The following GALNT3 variants were observed in gnomAD, a reference collection of about 807,000 sequenced individuals.
GALNT3 encodes the protein polypeptide N-acetylgalactosaminyltransferase 3.
In GALNT3, 51 loss-of-function variants were observed where a neutral mutation model predicts 69.8. That is an observed-to-expected ratio of 0.73 (90% CI 0.58 to 0.92). The LOEUF (loss-of-function observed/expected upper bound fraction) is 0.92, where lower values mean the gene tolerates loss of function less well. Ranked by LOEUF, GALNT3 falls within the 40% of genes least tolerant of loss-of-function variation. The pLI is 0.00. For missense variants in GALNT3, 711 were observed against 760.0 expected (o/e 0.94, Z 0.76); for synonymous variants, 265 against 248.5 (o/e 1.07, Z -0.63).
chr2:165,778,477 A>G (rs1388746335), intron 1 of GALNT3, among the ~76,000 whole-genome samples: 1 of 152,242 alleles, frequency 6.6e-6, no homozygotes, highest in Non-Finnish European at 1.5e-5. Context: ...GGATTGGAGT[A>G]ACAGGAAATT....
At chr2:165,769,984 C>G in intron 2 of GALNT3, 1 of 636,732 alleles carries the variant, frequency 1.6e-6, no homozygotes, top group South Asian at 1.8e-5. Flanking sequence ...CTTTTCATAT[C>G]TGCACTGCCT....
intron 1 of GALNT3, among the ~76,000 whole-genome samples, chr2:165,780,414 TAAC>T (rs1683077452): frequency 6.6e-6 from 1 of 152,186 alleles, no homozygotes; most frequent in African/African-American, 2.4e-5. Flanking sequence ...TAAAAACCAT[TAAC>T]AACTACCCAT....
chr2:165,786,612 T>G (rs1261627319), intron 1 of GALNT3, among the ~76,000 whole-genome samples: 2 of 152,228 alleles, frequency 1.3e-5, no homozygotes, highest in Non-Finnish European at 2.9e-5. Context: ...TATATTATTT[T>G]TTATTGTTGT....
intron 1 of GALNT3, among the ~76,000 whole-genome samples, chr2:165,788,731 A>C (rs1425891597): frequency 6.6e-6 from 1 of 152,042 alleles, no homozygotes; most frequent in Non-Finnish European, 1.5e-5. Flanking sequence ...AGTGCAAAAG[A>C]AAAGCACACA....
chr2:165,756,433 A>C (rs1688443860), intron 7 of GALNT3, among the ~76,000 whole-genome samples: 1 of 152,142 alleles, frequency 6.6e-6, no homozygotes, highest in African/African-American at 2.4e-5. Context: ...AGCACTTATC[A>C]CTTTCTTATT....
intron 4 of GALNT3, among the ~76,000 whole-genome samples, chr2:165,761,461 G>C (rs920522194): frequency 2.6e-5 from 4 of 151,930 alleles, no homozygotes; most frequent in Non-Finnish European, 4.4e-5. Context: ...ATTCACCAAC[G>C]CCGGCCTCCC....
chr2:165,774,931 T>G (rs915785346), intron 1 of GALNT3, among the ~76,000 whole-genome samples: 5 of 146,314 alleles, frequency 3.4e-5, no homozygotes, highest in Non-Finnish European at 7.5e-5. Flanking sequence ...TTTTTTTTTT[T>G]GTAGAGATGA....
intron 1 of GALNT3, among the ~76,000 whole-genome samples, chr2:165,790,399 T>G (rs1364688): frequency 1.3e-5 from 2 of 152,094 alleles, no homozygotes; most frequent in South Asian, 2.1e-4. Flanking sequence ...TTAGTGTACA[T>G]GAGTTGTGTT....
chr2:165,757,800 A>G (rs1346386963), intron 6 of GALNT3, among the ~76,000 whole-genome samples: 1 of 152,094 alleles, frequency 6.6e-6, no homozygotes, highest in Non-Finnish European at 1.5e-5. Context: ...CAATTTAGAG[A>G]GAAAACGTCA....
At position 165,770,458 on chromosome 2, in the gene GALNT3, T is replaced by C. The variant is rs1688730794; in HGVS notation, c.243A>G (p.Gln81=). The C allele has an allele frequency of 1.9e-6, 3 of 1,614,250 alleles. No homozygotes were observed. Among genetic ancestry groups the C allele is most frequent in the Non-Finnish European group, 1.7e-6 (2 of 1,180,046 alleles). Residue 81 remains glutamine (Q), a synonymous_variant, in exon 2 of 11, where the codon CAA becomes CAG. Coordinates refer to ENST00000392701, the MANE Select transcript of GALNT3 (RefSeq NM_004482.4). ...TGTTTTGCCTGACAGGTGCTCCTAT[T>C]TGCATTTTTGGCATGGCATCCTTAA... ...NNIKDAMPKM[Q]IGAPVRQNID...
chr2:165,754,555 T>A, intron 9 of GALNT3, 72 bp downstream of exon 9: 1 of 1,128,056 alleles, frequency 8.9e-7, no homozygotes, highest in South Asian at 1.3e-5. Flanking sequence ...GTGGGACTTC[T>A]GAAAAATAGG....
intron 9 of GALNT3, among the ~76,000 whole-genome samples, chr2:165,751,903 C>T (rs368863765): frequency 2.0e-4 from 30 of 152,144 alleles, no homozygotes; most frequent in African/African-American, 6.3e-4. Context: ...AAGTGCAATG[C>T]TTGATTAAAA....
chr2:165,761,977 C>T lies in GALNT3; in HGVS notation c.766G>A (p.Gly256Ser), dbSNP rs748192875. The T allele has an allele frequency of 6.8e-6, 11 of 1,612,704 alleles. No homozygotes were observed. The highest frequency in any genetic ancestry group is 2.2e-5 in the South Asian group (2 of 91,030). The change falls in exon 4 of 11, where the codon GGT becomes AGT. Residue 256 changes from glycine (G) to serine (S), a missense_variant. Coordinates refer to ENST00000392701, the MANE Select transcript of GALNT3 (RefSeq NM_004482.4). ...CCTAGCAACCGAGCAGTGATCAGAC[C>T]TTTTCTTTCTCTTTGTCTGACTATT... Reference protein sequence around the residue: ...VKIVRQRERKGLITARLLGAT... With the variant: ...VKIVRQRERKSLITARLLGAT...
intron 4 of GALNT3, among the ~76,000 whole-genome samples, 182 bp from the exon 5 acceptor site, chr2:165,759,752 C>T (rs1479329523): frequency 6.6e-6 from 1 of 152,126 alleles, no homozygotes; most frequent in Non-Finnish European, 1.5e-5. Flanking sequence ...AAATTCTATA[C>T]ATTTGCAGTG....
At chr2:165,764,823 T>C (rs1688608968) in intron 3 of GALNT3, 61 bp downstream of exon 3, 2 of 1,547,586 alleles carry the variant, frequency 1.3e-6, no homozygotes, top group Non-Finnish European at 1.8e-6. Context: ...CATAACCAAG[T>C]AGACTGTAGA....
chr2:165,758,581 T>G (rs1447563494), intron 6 of GALNT3, 166 bp downstream of exon 6: 1 of 560,254 alleles, frequency 1.8e-6, no homozygotes, highest in Non-Finnish European at 3.2e-6. Context: ...ATATATTAAG[T>G]TACATATTAA....
At chr2:165,785,372 TG>T (rs1398373655) in intron 1 of GALNT3, among the ~76,000 whole-genome samples, 2 of 152,210 alleles carry the variant, frequency 1.3e-5, no homozygotes, top group African/African-American at 4.8e-5. Context: ...ACATACATAT[TG>T]TTTTTATATT....
At chr2:165,755,383 T>C (rs1391212060) in intron 7 of GALNT3, among the ~76,000 whole-genome samples, 1 of 152,170 alleles carries the variant, frequency 6.6e-6, no homozygotes, top group East Asian at 1.9e-4. Flanking sequence ...GGAATGGTGG[T>C]AGGAGCATCC....
Position 165,775,508 on chromosome 2 carries a change from T to C in GALNT3, c.-108-4700A>G, listed in dbSNP as rs139689603. Reference sequence around the variant, plus strand: ...GGGATTAATCTTCTCTTATCAACCCTGATCACTTAAAGATTCCAACATTGA... The same window carrying C: ...GGGATTAATCTTCTCTTATCAACCCCGATCACTTAAAGATTCCAACATTGA... On this transcript the variant is annotated intron_variant, in intron 1 of 10. Coordinates refer to ENST00000392701, the MANE Select transcript of GALNT3 (RefSeq NM_004482.4). Among the ~76,000 whole-genome samples, 580 of 152,306 alleles carry C rather than the reference T, an allele frequency of 3.8e-3. 6 individuals are homozygous for C. The highest frequency in any genetic ancestry group is 0.037 in the Middle Eastern group (11 of 294).
Sources: allele counts gnomAD v4.1 joint callset (sites outside exome capture counted in the v4.1 genomes callset), GRCh38; gene constraint gnomAD v4.1.1; transcripts MANE v1.5; gene names NCBI Gene and HGNC (gene_info 2026-07-23, HGNC 2026-07-21).